The following HMBOX1 variants were observed in gnomAD, a reference collection of about 807,000 sequenced individuals.
HMBOX1 encodes homeobox-containing protein 1.
A neutral mutation model predicts 54.5 loss-of-function variants in HMBOX1; 14 were observed. The ratio of observed to expected loss-of-function variants is 0.26; its 90% CI spans 0.17 to 0.40. HMBOX1 has a LOEUF of 0.40. Among genes scored for constraint, HMBOX1 ranks in the 10% least tolerant of loss-of-function variants. The pLI, the probability that HMBOX1 is intolerant of heterozygous loss-of-function variation, is 1.00. For missense variants in HMBOX1, 332 were observed against 514.4 expected (o/e 0.65, Z 3.43); for synonymous variants, 160 against 181.0 (o/e 0.88, Z 0.93).
At chr8:29,048,928 T>C (rs1806013623) in intron 8 of HMBOX1, 26 bp from the exon 9 acceptor site, 1 of 1,501,150 alleles carries the variant, frequency 6.7e-7, no homozygotes, top group Non-Finnish European at 9.2e-7. Flanking sequence ...ACAGATAATT[T>C]AGGGATCTAT....
chr8:28,924,875 G>A (rs1818169378), intron 1 of HMBOX1: 1 of 149,946 alleles, frequency 6.7e-6, no homozygotes, highest in Non-Finnish European at 1.5e-5. Context: ...GCCTCCCAAA[G>A]TGCTGGGATT....
chr8:28,921,376 C>T (rs1817532776), intron 1 of HMBOX1, among the ~76,000 whole-genome samples: 1 of 152,114 alleles, frequency 6.6e-6, no homozygotes, highest in Admixed American at 6.6e-5. Context: ...GACGTTTGAC[C>T]ATCACTTGAT....
chr8:28,970,268 C>T lies in HMBOX1; in HGVS notation c.249C>T (p.Ser83=). 2.5e-6 allele frequency: 4 copies of T among 1,614,180 alleles called. No individual in the cohort carries two copies. Among genetic ancestry groups the T allele is most frequent in the Non-Finnish European group, 3.4e-6 (4 of 1,180,014 alleles). The change falls in exon 3 of 10, where the codon TCC becomes TCT. Residue 83 remains serine (S), a synonymous_variant. Transcript: ENST00000287701. The surrounding 1 kb of genome is among the most constrained non-coding windows in gnomAD (Gnocchi z 4.3). ...GNSTNNVPAS[S]STATASTQTQ... ...GTACTAACAATGTCCCAGCATCTTC[C>T]TCTACAGCTACAGCTTCCACACAGA...
At chr8:28,945,624 T>G (rs997274455) in intron 1 of HMBOX1, among the ~76,000 whole-genome samples, 3 of 152,222 alleles carry the variant, frequency 2.0e-5, no homozygotes, top group Non-Finnish European at 4.4e-5. Flanking sequence ...TTTTGTATTT[T>G]GTTTTAGTTT....
chr8:28,902,169 G>C (rs1257446066), intron 1 of HMBOX1, among the ~76,000 whole-genome samples: 1 of 152,140 alleles, frequency 6.6e-6, no homozygotes, highest in African/African-American at 2.4e-5. Flanking sequence ...CCGCTGGTAG[G>C]GGGCAGGGGT....
chr8:29,001,056 T>A lies in HMBOX1; in HGVS notation c.587-8016T>A, dbSNP rs545054970. The stretch of plus-strand genomic sequence containing the variant: ...AGGTTTTCAGAGGTTTTTACTTCAC[T>A]ATTCTCACTGATGTCACTCCAATTC... On this transcript the variant is annotated intron_variant, in intron 4 of 9. Transcript: ENST00000287701. 2.0e-5 allele frequency among the ~76,000 whole-genome samples: 3 copies of A among 152,316 alleles called. 1 individual carries two copies. Among genetic ancestry groups the A allele is most frequent in the Admixed American group, 2.0e-4 (3 of 15,306 alleles).
intron 1 of HMBOX1, among the ~76,000 whole-genome samples, chr8:28,960,193 T>A (rs1825210952): frequency 6.8e-6 from 1 of 146,398 alleles, no homozygotes; most frequent in Non-Finnish European, 1.5e-5. Flanking sequence ...ATTTTTTAAG[T>A]ACTATTTTTT....
At chr8:28,955,039 G>A (rs190057235) in intron 1 of HMBOX1, among the ~76,000 whole-genome samples, 11 of 152,190 alleles carry the variant, frequency 7.2e-5, no homozygotes, top group African/African-American at 1.9e-4. Flanking sequence ...GATGGTAGGC[G>A]TCTTCATTGC....
At chr8:29,002,887 GT>G (rs1375500098) in intron 4 of HMBOX1, among the ~76,000 whole-genome samples, 1 of 152,044 alleles carries the variant, frequency 6.6e-6, no homozygotes, top group Non-Finnish European at 1.5e-5. Context: ...TGGGTGTGTG[GT>G]TTTTAAAATT....
chr8:28,969,896 T>C, intron 2 of HMBOX1, 147 bp from the exon 3 acceptor site: 1 of 618,678 alleles, frequency 1.6e-6, no homozygotes, highest in Non-Finnish European at 2.8e-6. Flanking sequence ...CCATTTGCCA[T>C]GGCACAATCA....
Position 28,970,086 on chromosome 8 carries a change from A to G in HMBOX1, c.67A>G (p.Thr23Ala). 6.2e-7 allele frequency: 1 copy of G among 1,613,782 alleles called. No individual in the cohort carries two copies. The highest frequency in any genetic ancestry group is 8.5e-7 in the Non-Finnish European group (1 of 1,179,764). ...MSHYTDEPRF[T>A]IEQIDLLQRL... ...TCATTATACAGATGAACCCAGATTT[A>G]CCATAGAGCAGATAGATCTGCTTCA... Residue 23 changes from threonine (T) to alanine (A), a missense_variant, in exon 3 of 10, where the codon ACC becomes GCC. Physicochemically the swap from Thr to Ala is moderately conservative, Grantham distance 58. This residue lies in a region of HMBOX1 where 146 missense variants were observed against 173.3 expected (regional missense o/e 0.84). Coordinates refer to ENST00000287701, the MANE Select transcript of HMBOX1 (RefSeq NM_001135726.3). The surrounding 1 kb of genome is among the most constrained non-coding windows in gnomAD (Gnocchi z 4.3).
At chr8:29,036,679 C>G (rs993537006) in intron 6 of HMBOX1, among the ~76,000 whole-genome samples, 1 of 152,152 alleles carries the variant, frequency 6.6e-6, no homozygotes, top group Non-Finnish European at 1.5e-5. Context: ...CTAGGTGATT[C>G]ATTGACACAG....
At chr8:28,898,447 T>G (rs936799834) in intron 1 of HMBOX1, among the ~76,000 whole-genome samples, 3 of 152,212 alleles carry the variant, frequency 2.0e-5, no homozygotes, top group African/African-American at 7.2e-5. Context: ...AATGCTTGAA[T>G]TAGGGATCAT....
chr8:28,949,052 A>G (rs1428970854), intron 1 of HMBOX1, among the ~76,000 whole-genome samples: 2 of 152,210 alleles, frequency 1.3e-5, no homozygotes. Flanking sequence ...GTAAACTTTA[A>G]TTTTTTAACA....
chr8:29,017,975 G>A (rs1196709093), intron 5 of HMBOX1, among the ~76,000 whole-genome samples: 1 of 152,180 alleles, frequency 6.6e-6, no homozygotes, highest in African/African-American at 2.4e-5. Context: ...ACTACAGGCA[G>A]AGAGAATTTT....
intron 4 of HMBOX1, among the ~76,000 whole-genome samples, chr8:28,982,832 C>T (rs1472139114): frequency 6.6e-6 from 1 of 152,056 alleles, no homozygotes; most frequent in African/African-American, 2.4e-5. Context: ...CCATATCGGC[C>T]AGGCTGGTGT....
intron 1 of HMBOX1, among the ~76,000 whole-genome samples, chr8:28,904,885 C>T (rs1813974922): frequency 6.6e-6 from 1 of 152,100 alleles, no homozygotes; most frequent in Admixed American, 6.6e-5. Flanking sequence ...TCGTGTTAGC[C>T]ACGATGGTCT....
At chr8:28,953,774 A>G (rs1471346107) in intron 1 of HMBOX1, among the ~76,000 whole-genome samples, 2 of 152,168 alleles carry the variant, frequency 1.3e-5, no homozygotes, top group Non-Finnish European at 1.5e-5. Flanking sequence ...ATGATTTGCT[A>G]ACTGTTCAAG....
chr8:28,919,671 T>C (rs1181177396), intron 1 of HMBOX1, among the ~76,000 whole-genome samples: 1 of 152,204 alleles, frequency 6.6e-6, no homozygotes, highest in African/African-American at 2.4e-5. Flanking sequence ...GTCCACAACT[T>C]GAATGACTTG....
Sources: allele counts gnomAD v4.1 joint callset (sites outside exome capture counted in the v4.1 genomes callset), GRCh38; gene constraint gnomAD v4.1.1; regional missense constraint gnomAD v4.1.1; non-coding constraint Gnocchi (gnomAD v3.1); transcripts MANE v1.5; gene names NCBI Gene and HGNC (gene_info 2026-07-23, HGNC 2026-07-21).